The following EIF4B variants were observed in gnomAD, a reference collection of about 807,000 sequenced individuals.
EIF4B encodes eukaryotic translation initiation factor 4B.
A neutral mutation model predicts 79.3 loss-of-function variants in EIF4B; 8 were observed. The ratio of observed to expected loss-of-function variants is 0.10; its 90% CI spans 0.06 to 0.18. The LOEUF (loss-of-function observed/expected upper bound fraction) is 0.18. Among genes scored for constraint, EIF4B ranks in the 10% least tolerant of loss-of-function variants. The pLI is 1.00. For missense variants in EIF4B, 515 were observed against 792.4 expected, an observed-to-expected ratio of 0.65 and a Z score of 4.20; for synonymous variants, 238 against 274.7, an observed-to-expected ratio of 0.87 and a Z score of 1.32.
chr12:53,019,435 A>T (rs77537535), intron 3 of EIF4B, among the ~76,000 whole-genome samples: 7,489 of 38,002 alleles, frequency 0.2, 158 homozygotes, highest in Non-Finnish European at 0.37. Flanking sequence ...ATATATATAT[A>T]TATTTTTTTT....
intron 1 of EIF4B, among the ~76,000 whole-genome samples, chr12:53,010,798 C>G (rs1943051482): frequency 6.6e-6 from 1 of 152,060 alleles, no homozygotes; most frequent in African/African-American, 2.4e-5. Flanking sequence ...GTCTCGAGCT[C>G]CCGACCTCAG....
chr12:53,023,439 G>T (rs1039188101), intron 6 of EIF4B, among the ~76,000 whole-genome samples: 1 of 152,044 alleles, frequency 6.6e-6, no homozygotes. Context: ...CACCATGTTG[G>T]CCAGGATAGT....
chr12:53,009,580 A>G (rs1197131023), intron 1 of EIF4B, among the ~76,000 whole-genome samples: 1 of 152,244 alleles, frequency 6.6e-6, no homozygotes, highest in African/African-American at 2.4e-5. Context: ...TAATGCTTCA[A>G]AATGCAGTCC....
At chr12:53,037,325 A>G (rs1943556268) in intron 10 of EIF4B, 84 bp from the exon 11 acceptor site, 2 of 1,469,446 alleles carry the variant, frequency 1.4e-6, no homozygotes, top group African/African-American at 2.8e-5. Context: ...TTGGATGTGG[A>G]CCATTTTCCA....
chr12:53,006,776 CGCAGAAAGGTGTGCGGGTGGT>C (rs1244992118), intron 1 of EIF4B, among the ~76,000 whole-genome samples: 1 of 151,814 alleles, frequency 6.6e-6, no homozygotes, highest in African/African-American at 2.4e-5. Flanking sequence ...GGGAAGGAGG[CGCAGAAAGGTGTGCGGGTGGT>C]GCGAGGCCTT....
chr12:53,020,939 C>CT (rs1159939042), intron 4 of EIF4B, among the ~76,000 whole-genome samples: 2 of 152,064 alleles, frequency 1.3e-5, no homozygotes, highest in African/African-American at 4.8e-5. Context: ...CAATTGTTAA[C>CT]TATTTGATGT....
intron 11 of EIF4B, chr12:53,037,944 T>C: frequency 3.0e-6 from 1 of 338,868 alleles, no homozygotes; most frequent in Non-Finnish European, 5.4e-6. Flanking sequence ...CTCTTAAGTC[T>C]TCTCATTTGT....
chr12:53,029,770 T>C (rs1179912914), intron 8 of EIF4B, among the ~76,000 whole-genome samples: 1 of 152,074 alleles, frequency 6.6e-6, no homozygotes, highest in African/African-American at 2.4e-5. Flanking sequence ...GAAAGGAAAA[T>C]CGATCTGGAC....
At chr12:53,031,281 C>CT (rs1943441817) in intron 8 of EIF4B, among the ~76,000 whole-genome samples, 2 of 152,138 alleles carry the variant, frequency 1.3e-5, no homozygotes, top group South Asian at 4.1e-4. Flanking sequence ...CCAGCCTTTA[C>CT]TTTTTTCTTC....
chr12:53,031,237 A>G (rs1004908959), intron 8 of EIF4B, among the ~76,000 whole-genome samples: 5 of 152,062 alleles, frequency 3.3e-5, no homozygotes, highest in Non-Finnish European at 7.4e-5. Context: ...CCCTTTCTCT[A>G]TACCTCTGAC....
chr12:53,008,543 A>T (rs1308097060), intron 1 of EIF4B: 1 of 152,208 alleles, frequency 6.6e-6, no homozygotes, highest in African/African-American at 2.4e-5. Context: ...AAATACATAA[A>T]ACAACTTCAT....
intron 8 of EIF4B, among the ~76,000 whole-genome samples, chr12:53,030,684 A>G (rs899171631): frequency 3.3e-5 from 5 of 151,954 alleles, no homozygotes; most frequent in Non-Finnish European, 7.4e-5. Context: ...TGCTGGGATT[A>G]CAGGCGTGGG....
At position 53,018,024 on chromosome 12, in the gene EIF4B, C is replaced by G. The variant is rs536556921; in HGVS notation, c.152-774C>G. ...GTTTGTTTTCAGATGGAGTCTCACT[C>G]TGTCGCCCAGGTTGTAGTGCAGTGG... On this transcript the variant is annotated intron_variant, in intron 2 of 14. Coordinates refer to ENST00000262056, the MANE Select transcript of EIF4B (RefSeq NM_001417.7). Among the ~76,000 whole-genome samples the G allele has an allele frequency of 2.6e-5, 4 of 152,340 alleles. No individual in the cohort carries two copies. The East Asian group carries it at 7.7e-4, about 29-fold the overall frequency.
chr12:53,019,435 A>ATTTTT (rs759250282), intron 3 of EIF4B, among the ~76,000 whole-genome samples: 3 of 39,468 alleles, frequency 7.6e-5, no homozygotes, highest in Non-Finnish European at 1.8e-4. Flanking sequence ...ATATATATAT[A>ATTTTT]TATTTTTTTT....
At chr12:53,019,048 A>T (rs1253633262) in intron 3 of EIF4B, 42 bp downstream of exon 3, 1 of 1,592,256 alleles carries the variant, frequency 6.3e-7, no homozygotes, top group Non-Finnish European at 8.6e-7. Flanking sequence ...TATTGAGGAT[A>T]ATGTCTAAAA....
intron 11 of EIF4B, chr12:53,038,015 C>T (rs143588607): frequency 1.6e-4 from 41 of 262,872 alleles, no homozygotes; most frequent in African/African-American, 7.2e-4. Context: ...CCCAGCTACT[C>T]GGGAGGCTGA....
chr12:53,033,503 C>T (rs963170419), intron 8 of EIF4B, among the ~76,000 whole-genome samples: 1 of 151,598 alleles, frequency 6.6e-6, no homozygotes, highest in Non-Finnish European at 1.5e-5. Flanking sequence ...CCCCAACGCC[C>T]AGCTAATTTT....
At chr12:53,032,088 A>G (rs1943457015) in intron 8 of EIF4B, among the ~76,000 whole-genome samples, 2 of 152,200 alleles carry the variant, frequency 1.3e-5, no homozygotes, top group African/African-American at 4.8e-5. Context: ...TCAGTGTTAC[A>G]TGCTTTGCCC....
In EIF4B at chr12:53,041,377, G is replaced by C. The variant is rs1045578142; in HGVS notation, c.*1154G>C. The C allele has an allele frequency of 6.6e-6, 1 of 152,202 alleles. No individual in the cohort carries two copies. The highest frequency in any genetic ancestry group is 1.5e-5 in the Non-Finnish European group (1 of 68,056). 9.4% of individuals were successfully genotyped at this position (152,202 alleles called of 1,614,324 possible). On this transcript the variant is annotated 3_prime_UTR_variant, in exon 15 of 15. Transcript: ENST00000262056. ...TGGATGATGGATAAATAGGGACAGG[G>C]ACAGTTAAATTGGGAGCCTTTCTTA... is the stretch of plus-strand genomic sequence containing the variant.
Sources: allele counts gnomAD v4.1 joint callset (sites outside exome capture counted in the v4.1 genomes callset), GRCh38; gene constraint gnomAD v4.1.1; transcripts MANE v1.5; gene names NCBI Gene and HGNC (gene_info 2026-07-23, HGNC 2026-07-21).